Variants in LRRN3 observed in about 807,000 individuals in gnomAD.
LRRN3 encodes the protein leucine rich repeat neuronal 3.
LRRN3 carries 15 observed loss-of-function variants against 40.1 expected under a neutral mutation model. The observed-to-expected ratio is 0.37, with a 90% CI of 0.25 to 0.58. LRRN3 has a LOEUF of 0.58. LRRN3 is among the 20% of genes least tolerant of loss of function. LRRN3 has a pLI of 0.72. For missense variants in LRRN3, 746 were observed against 837.7 expected (o/e 0.89, Z 1.35); for synonymous variants, 308 against 297.2 (o/e 1.04, Z -0.37).
At chr7:111,106,018 A>T (rs1309885088) in intron 2 of LRRN3, among the ~76,000 whole-genome samples, 2 of 152,080 alleles carry the variant, frequency 1.3e-5, no homozygotes, top group East Asian at 3.9e-4. Flanking sequence ...TACAAATAAT[A>T]GGCAGTTAAT....
chr7:111,111,720 G>A (rs1799227010), intron 2 of LRRN3, among the ~76,000 whole-genome samples: 1 of 151,778 alleles, frequency 6.6e-6, no homozygotes, highest in Admixed American at 6.6e-5. Flanking sequence ...ACCAAATTTT[G>A]CAAAGTCATC....
rs901446875 is a variant in LRRN3, at chr7:111,120,999, C to G, written c.-358-1416C>G. The stretch of plus-strand genomic sequence containing the variant: ...AGTTGTTTTCCTTTTTTCCCTATAA[C>G]TAAATTTCAAAGCTAATGAAAATAT... On this transcript the variant is annotated intron_variant, in intron 2 of 2. Transcript: ENST00000308478. Among the ~76,000 whole-genome samples, 5 of 149,574 alleles carry G rather than the reference C, an allele frequency of 3.3e-5. No homozygotes were observed. In the South Asian group the frequency reaches 1.0e-3, roughly 31 times the overall value.
Position 111,123,301 on chromosome 7 carries a change from C to T in LRRN3, c.529C>T (p.Gln177Ter), listed in dbSNP as rs1467332013. 6.2e-7 allele frequency: 1 copy of T among 1,613,766 alleles called. No homozygotes were observed. The highest frequency in any genetic ancestry group is 1.7e-5 in the Admixed American group (1 of 59,942). Reference sequence around the variant, plus strand: ...ACTTCATCTCAATTCAAATAGATTGCAGATGATCAACAGTAAGTGGTTTGA... The same window carrying T: ...ACTTCATCTCAATTCAAATAGATTGTAGATGATCAACAGTAAGTGGTTTGA... ...LRLHLNSNRLQMINSKWFDAL... is the reference protein window; with the variant it reads ...LRLHLNSNRL Residue 177 changes from glutamine (Q) to a stop codon, truncating the protein, a stop_gained, in exon 3 of 3, where the codon CAG becomes TAG. Transcript: ENST00000308478. LOFTEE classifies it high-confidence loss of function. This position sits in a 1 kb window ranked among gnomAD's most constrained non-coding sequence, Gnocchi z 6.4.
chr7:111,121,651 C>T (rs1800634944), intron 2 of LRRN3, among the ~76,000 whole-genome samples: 1 of 152,126 alleles, frequency 6.6e-6, no homozygotes, highest in South Asian at 2.1e-4. Flanking sequence ...ACTAGTTCAA[C>T]CATTGTAGAA....
At position 111,099,920 on chromosome 7, in the gene LRRN3, T is replaced by C. The variant is rs531693232; in HGVS notation, c.-401T>C. 2 of 151,680 alleles carry C rather than the reference T, an allele frequency of 1.3e-5. No homozygotes were observed. The highest frequency in any genetic ancestry group is 4.2e-4 in the South Asian group (2 of 4,814). 9.4% of individuals were successfully genotyped at this position (151,680 alleles called of 1,614,324 possible). ...GAGAAAGAGAAAGAAGAGGAAGATG[T>C]TGGGCAACATTTATTTAACATGCTC... is the stretch of plus-strand genomic sequence containing the variant. On this transcript the variant is annotated 5_prime_UTR_variant, in exon 2 of 3. Transcript: ENST00000308478.
intron 2 of LRRN3, among the ~76,000 whole-genome samples, chr7:111,114,501 T>A (rs1243806605): frequency 6.6e-6 from 1 of 151,736 alleles, no homozygotes; most frequent in African/African-American, 2.4e-5. Flanking sequence ...ACTTTGTGAG[T>A]TCAAGGAGGG....
Position 111,122,602 on chromosome 7 carries a change from T to A in LRRN3, c.-171T>A. 3.3e-6 allele frequency: 2 copies of A among 597,238 alleles called. No homozygotes were observed. The highest frequency in any genetic ancestry group is 4.4e-5 in the South Asian group (2 of 45,588). The allele number at this position is 597,238 out of a possible 1,614,324, so 37.0% of individuals were successfully genotyped here. A position where few individuals can be genotyped will look rare whatever the true frequency, so the allele number is the denominator to read the frequency against. On this transcript the variant is annotated 5_prime_UTR_variant, in exon 3 of 3. It removes an upstream start codon present in the reference 5' UTR. Coordinates refer to ENST00000308478, the MANE Select transcript of LRRN3 (RefSeq NM_001099658.2). Reference sequence around the variant, plus strand: ...CAATATGCATGACATTTTTGGACAATGCAATTGTGGCACTGGCACTTATTT... The same window carrying A: ...CAATATGCATGACATTTTTGGACAAAGCAATTGTGGCACTGGCACTTATTT...
chr7:111,116,315 A>T (rs1427218156), intron 2 of LRRN3, among the ~76,000 whole-genome samples: 1 of 152,144 alleles, frequency 6.6e-6, no homozygotes, highest in African/African-American at 2.4e-5. Flanking sequence ...CCCTCCTTTT[A>T]AAAAAATCTA....
In LRRN3 at chr7:111,124,228, G is replaced by T. The variant is rs543081195; in HGVS notation, c.1456G>T (p.Val486Leu). Residue 486 changes from valine (V) to leucine (L), a missense_variant, in exon 3 of 3, where the codon GTA becomes TTA. Physicochemically the swap from Val to Leu is conservative, Grantham distance 32. Coordinates refer to ENST00000308478, the MANE Select transcript of LRRN3 (RefSeq NM_001099658.2). ...TGAGGGAACACTAGATATAAATGGC[G>T]TAACTCCCAAAGAAGGGGGTTTATA... ...HSEGTLDING[V>L]TPKEGGLYTC... 6.2e-7 allele frequency: 1 copy of T among 1,613,904 alleles called. No individual in the cohort carries two copies.
intron 1 of LRRN3, among the ~76,000 whole-genome samples, chr7:111,098,683 C>T (rs960747512): frequency 4.6e-5 from 7 of 151,684 alleles, no homozygotes; most frequent in South Asian, 2.1e-4. Context: ...ATCTTCATAA[C>T]GACCGTACTA....
intron 1 of LRRN3, among the ~76,000 whole-genome samples, chr7:111,094,851 AGGAACAG>A (rs753892491): frequency 2.0e-5 from 3 of 152,144 alleles, no homozygotes; most frequent in Non-Finnish European, 4.4e-5. Flanking sequence ...GATGGGAAAA[AGGAACAG>A]GGATAAATCG....
intron 2 of LRRN3, among the ~76,000 whole-genome samples, chr7:111,101,496 A>C (rs1236623743): frequency 6.6e-6 from 1 of 151,500 alleles, no homozygotes; most frequent in African/African-American, 2.4e-5. Flanking sequence ...GTTAAGATTC[A>C]AGTCTTTTTC....
chr7:111,091,539 T>G (rs1457716535), intron 1 of LRRN3, 35 bp downstream of exon 1: 8 of 152,180 alleles, frequency 5.3e-5, no homozygotes, highest in Admixed American at 6.5e-5. Flanking sequence ...TTAAAATACG[T>G]TCTATTTCTT....
At chr7:111,107,168 C>G (rs1159979932) in intron 2 of LRRN3, among the ~76,000 whole-genome samples, 1 of 27,304 alleles carries the variant, frequency 3.7e-5, no homozygotes, top group East Asian at 1.4e-3. Context: ...TTCCTTCTTT[C>G]CCCTTTCCCT....
intron 2 of LRRN3, among the ~76,000 whole-genome samples, chr7:111,112,289 A>G (rs1039797619): frequency 6.6e-6 from 1 of 152,118 alleles, no homozygotes; most frequent in African/African-American, 2.4e-5. Context: ...TTTAACCTGC[A>G]TATAGTGCCT....
chr7:111,123,834 T>G lies in LRRN3; in HGVS notation c.1062T>G (p.Ile354Met), dbSNP rs1469072128. 4 of 1,614,000 alleles carry G rather than the reference T, an allele frequency of 2.5e-6. No individual in the cohort carries two copies. Among genetic ancestry groups the G allele is most frequent in the Non-Finnish European group, 3.4e-6 (4 of 1,179,984 alleles). Residue 354 changes from isoleucine (I) to methionine (M), a missense_variant, in exon 3 of 3, where the codon ATT becomes ATG. Ile to Met is a conservative substitution (Grantham distance 10, BLOSUM62 1). Transcript: ENST00000308478. The surrounding 1 kb of genome is among the most constrained non-coding windows in gnomAD (Gnocchi z 6.4). ...TCAGTGCCCTGTACCATGGTACCATTGAGTCTCTGCCAAACCTCAAGGAAA... is the reference window on the plus strand; with the variant it reads ...TCAGTGCCCTGTACCATGGTACCATGGAGTCTCTGCCAAACCTCAAGGAAA... ...NALSALYHGT[I>M]ESLPNLKEIS...
At chr7:111,120,918 A>C (rs1053831030) in intron 2 of LRRN3, among the ~76,000 whole-genome samples, 5 of 151,076 alleles carry the variant, frequency 3.3e-5, no homozygotes, top group African/African-American at 1.2e-4. Flanking sequence ...TTGGCCTTTT[A>C]TGTTGCCTCT....
At chr7:111,112,216 C>T (rs371551939) in intron 2 of LRRN3, among the ~76,000 whole-genome samples, 2 of 152,024 alleles carry the variant, frequency 1.3e-5, no homozygotes, top group Admixed American at 6.6e-5. Context: ...CGCCTGACTT[C>T]GCCTCCCAAA....
chr7:111,109,852 G>C (rs1360509615), intron 2 of LRRN3, among the ~76,000 whole-genome samples: 1 of 152,158 alleles, frequency 6.6e-6, no homozygotes, highest in Non-Finnish European at 1.5e-5. Flanking sequence ...AAAGTCTTCA[G>C]GGGCTGGGCG....
Sources: gnomAD v4.1 joint callset for allele counts (sites outside exome capture counted in the v4.1 genomes callset) on GRCh38, gnomAD v4.1.1 for gene constraint, Gnocchi (gnomAD v3.1) non-coding constraint, MANE v1.5 for transcripts, NCBI Gene and HGNC (gene_info 2026-07-23, HGNC 2026-07-21) for gene names.